The following FAIM2 variants were observed in gnomAD, a reference collection of about 807,000 sequenced individuals.
FAIM2 encodes protein lifeguard 2.
In FAIM2, 27 loss-of-function variants were observed where a neutral mutation model predicts 47.4. The observed-to-expected ratio is 0.57, with a 90% CI of 0.42 to 0.78. The LOEUF is 0.78. Ranked by LOEUF, FAIM2 falls within the 30% of genes least tolerant of loss-of-function variation. The probability of loss-of-function intolerance (pLI) is 0.00; values close to 1 mark genes in which losing one functional copy is unlikely to be tolerated. For synonymous variants in FAIM2, 156 were observed against 159.3 expected, an observed-to-expected ratio of 0.98 and a Z score of 0.16; for missense variants, 311 against 389.4, an observed-to-expected ratio of 0.80 and a Z score of 1.69.
rs1334273733 is a variant in FAIM2, at chr12:49,900,368, C to T, written c.211+762G>A. On this transcript the variant is annotated intron_variant, in intron 2 of 11. Transcript: ENST00000320634. ...GGGCTGCTGAGGAAGGCCACAGGGG[C>T]TAAGGAGGATTTCCTCAGAGCTTTT... is the stretch of plus-strand genomic sequence containing the variant. The T allele has an allele frequency of 1.7e-5, 6 of 356,956 alleles. No individual in the cohort carries two copies. The East Asian group carries it at 5.6e-4, about 34-fold the overall frequency. 22.1% of individuals were successfully genotyped at this position (356,956 alleles called of 1,614,324 possible).
intron 2 of FAIM2, chr12:49,900,018 C>A (rs1946970815): frequency 6.9e-6 from 2 of 289,936 alleles, no homozygotes; most frequent in Non-Finnish European, 7.0e-6. Flanking sequence ...CCCTCTTGTC[C>A]TTCACTTCTC....
intron 5 of FAIM2, among the ~76,000 whole-genome samples, chr12:49,896,253 C>A (rs1026094786): frequency 2.1e-4 from 32 of 152,210 alleles, no homozygotes; most frequent in African/African-American, 7.7e-4. Context: ...CAGGATGGTT[C>A]TGGTCTGGAG....
At chr12:49,880,559 TGC>T (rs1299013515) in intron 11 of FAIM2, among the ~76,000 whole-genome samples, 2 of 10,722 alleles carry the variant, frequency 1.9e-4, no homozygotes, top group African/African-American at 1.8e-3. Context: ...TGCGTGTGTG[TGC>T]ATGTGTGTAT....
intron 11 of FAIM2, among the ~76,000 whole-genome samples, chr12:49,885,873 A>G (rs562687423): frequency 1.3e-5 from 2 of 152,256 alleles, no homozygotes; most frequent in South Asian, 4.1e-4. Context: ...GCCGTGCTGC[A>G]CATCACACAC....
intron 11 of FAIM2, among the ~76,000 whole-genome samples, chr12:49,876,375 C>G (rs745618935): frequency 2.6e-5 from 4 of 152,188 alleles, no homozygotes; most frequent in Non-Finnish European, 5.9e-5. Context: ...GGCTTTGATA[C>G]TTATAGTGAA....
In FAIM2 at chr12:49,880,170, G is replaced by GTCTGTGTGCA. The variant is rs1181842113; in HGVS notation, c.801+7215_801+7216insTGCACACAGA. ...AGTGTATGTGTGTGCATGTGTGTAT[G>GTCTGTGTGCA]TGTGTGTATGCATGTGTGTATATGT... is the stretch of plus-strand genomic sequence containing the variant. On this transcript the variant is annotated intron_variant, in intron 11 of 11. Transcript: ENST00000320634. 5.2e-3 allele frequency among the ~76,000 whole-genome samples: 758 copies of GTCTGTGTGCA among 144,482 alleles called. 1 individual carries two copies. The highest frequency in any genetic ancestry group is 0.018 in the African/African-American group (688 of 39,144). The allele number at this position is 144,482 out of a possible 152,430, so 94.8% of individuals were successfully genotyped here.
At chr12:49,883,658 T>C (rs111238736) in intron 11 of FAIM2, among the ~76,000 whole-genome samples, 112 of 152,090 alleles carry the variant, frequency 7.4e-4, no homozygotes, top group Non-Finnish European at 2.5e-4. Context: ...AAATATCGCA[T>C]TCAAAGCTTT....
At chr12:49,903,427 G>A (rs971194220) in intron 1 of FAIM2, among the ~76,000 whole-genome samples, 2 of 152,194 alleles carry the variant, frequency 1.3e-5, no homozygotes, top group African/African-American at 4.8e-5. Context: ...CTGCCCCTCA[G>A]GGCTCACCCT....
intron 6 of FAIM2, 122 bp from the exon 7 acceptor site, chr12:49,890,844 C>T: frequency 1.1e-6 from 1 of 910,882 alleles, no homozygotes. Flanking sequence ...AGAGCCTCTT[C>T]CTTCAGCCAC....
intron 4 of FAIM2, 134 bp downstream of exon 4, chr12:49,897,385 C>T: frequency 1.2e-6 from 1 of 846,840 alleles, no homozygotes; most frequent in Non-Finnish European, 1.9e-6. Context: ...GGTTCTTTCC[C>T]AGCAGGAGGA....
intron 9 of FAIM2, 44 bp downstream of exon 9, chr12:49,889,437 C>T (rs1304597977): frequency 6.4e-7 from 1 of 1,565,148 alleles, no homozygotes; most frequent in Non-Finnish European, 8.8e-7. Flanking sequence ...TTCCCCTGCT[C>T]AGCCTCAGGC....
intron 11 of FAIM2, among the ~76,000 whole-genome samples, chr12:49,876,412 G>A (rs538341856): frequency 6.6e-6 from 1 of 152,330 alleles, no homozygotes; most frequent in Admixed American, 6.5e-5. Context: ...TAGATGACCA[G>A]ATTTTGAAGC....
intron 10 of FAIM2, among the ~76,000 whole-genome samples, chr12:49,888,536 C>T (rs1946876955): frequency 6.6e-6 from 1 of 152,176 alleles, no homozygotes; most frequent in African/African-American, 2.4e-5. Flanking sequence ...TCTCCACATG[C>T]AGGGGCCTGG....
intron 1 of FAIM2, chr12:49,903,030 C>T (rs1946991710): frequency 6.6e-6 from 1 of 152,114 alleles, no homozygotes; most frequent in South Asian, 2.1e-4. Flanking sequence ...TCCTTAGCAA[C>T]CCAAACAGAG....
At chr12:49,880,199 T>C (rs1391830447) in intron 11 of FAIM2, among the ~76,000 whole-genome samples, 1 of 54,468 alleles carries the variant, frequency 1.8e-5, no homozygotes, top group Non-Finnish European at 4.3e-5. Context: ...TATATGTGCA[T>C]GTGTGTGTGC....
At chr12:49,882,510 C>T (rs907195250) in intron 11 of FAIM2, among the ~76,000 whole-genome samples, 1 of 152,172 alleles carries the variant, frequency 6.6e-6, no homozygotes, top group African/African-American at 2.4e-5. Flanking sequence ...CAGATGAACA[C>T]GGCAGGGGAT....
chr12:49,889,413 C>G, intron 9 of FAIM2, 68 bp downstream of exon 9: 1 of 1,449,356 alleles, frequency 6.9e-7, no homozygotes, highest in African/African-American at 1.4e-5. Flanking sequence ...TCTGAGGCCC[C>G]CACCCCATCT....
chr12:49,889,097 A>G lies in FAIM2; in HGVS notation c.747+10T>C. Reference sequence around the variant, plus strand: ...CCCCATGGGGCCTGCTGGGGGACCCAGAGACTCACATATTGGAAGGGTAGG... The same window carrying G: ...CCCCATGGGGCCTGCTGGGGGACCCGGAGACTCACATATTGGAAGGGTAGG... On this transcript the variant is annotated intron_variant, in intron 10 of 11. Coordinates refer to ENST00000320634, the MANE Select transcript of FAIM2 (RefSeq NM_012306.4). 1 of 1,599,032 alleles carries G rather than the reference A, an allele frequency of 6.3e-7. No homozygotes were observed. The highest frequency in any genetic ancestry group is 1.1e-5 in the South Asian group (1 of 88,660).
At chr12:49,879,963 C>CAT (rs1946795726) in intron 11 of FAIM2, among the ~76,000 whole-genome samples, 2 of 41,572 alleles carry the variant, frequency 4.8e-5, no homozygotes, top group Non-Finnish European at 8.3e-5. Context: ...CTTGTATGTG[C>CAT]ATGTGTGTGT....
Sources: gnomAD v4.1 joint callset for allele counts (sites outside exome capture counted in the v4.1 genomes callset) on GRCh38, gnomAD v4.1.1 for gene constraint, MANE v1.5 for transcripts, NCBI Gene and HGNC (gene_info 2026-07-23, HGNC 2026-07-21) for gene names.